MORC3: variants seen among roughly 807,000 people sequenced by gnomAD.
MORC3 encodes the protein MORC family CW-type zinc finger 3.
Under a neutral mutation model 109.1 loss-of-function variants are expected in MORC3, and 31 were observed. The ratio of observed to expected loss-of-function variants is 0.28; its 90% CI spans 0.21 to 0.38. The LOEUF is 0.38. Ranked by LOEUF, MORC3 falls within the 10% of genes least tolerant of loss-of-function variation. The probability of loss-of-function intolerance (pLI) is 1.00; values close to 1 mark genes in which losing one functional copy is unlikely to be tolerated. For missense variants in MORC3, 867 were observed against 1,135.8 expected, an observed-to-expected ratio of 0.76 and a Z score of 3.40; for synonymous variants, 395 against 380.7, an observed-to-expected ratio of 1.04 and a Z score of -0.44.
chr21:36,336,194 G>T (rs1210017047), intron 2 of MORC3, among the ~76,000 whole-genome samples: 3 of 150,932 alleles, frequency 2.0e-5, no homozygotes, highest in African/African-American at 7.3e-5. Flanking sequence ...GCCTCCCAGA[G>T]TGCTGGGATT....
In MORC3 at chr21:36,375,813, G is replaced by C. The variant is rs2085923750; in HGVS notation, c.*517G>C. The C allele has an allele frequency of 6.6e-6, 1 of 152,530 alleles. No individual in the cohort carries two copies. The highest frequency in any genetic ancestry group is 1.5e-5 in the Non-Finnish European group (1 of 68,034). 9.4% of individuals were successfully genotyped at this position (152,530 alleles called of 1,614,324 possible). On this transcript the variant is annotated 3_prime_UTR_variant, in exon 17 of 17. Transcript: ENST00000400485. ...TGAATTGAGCATTAATGTTTCTTTTGTATAAATTCCTGTCCTGAAATATTT... is the reference window on the plus strand; with the variant it reads ...TGAATTGAGCATTAATGTTTCTTTTCTATAAATTCCTGTCCTGAAATATTT...
intron 6 of MORC3, among the ~76,000 whole-genome samples, chr21:36,343,960 G>GA (rs2085480629): frequency 1.3e-5 from 2 of 151,962 alleles, no homozygotes; most frequent in African/African-American, 4.8e-5. Flanking sequence ...TCCTAGTGTT[G>GA]AAAAAGTCTT....
In MORC3 at chr21:36,365,071, C is replaced by A. The variant is rs375868802; in HGVS notation, c.1619+812C>A. 3.1e-3 allele frequency among the ~76,000 whole-genome samples: 274 copies of A among 88,140 alleles called. 2 individuals carry two copies. Among genetic ancestry groups the A allele is most frequent in the African/African-American group, 6.1e-3 (143 of 23,338 alleles). The allele number at this position is 88,140 out of a possible 152,430, so 57.8% of individuals were successfully genotyped here. ...CATCTCAAAAAAAAAAAAAAAAAAA[C>A]ATGAAGCAATTAACAGTACGACACT... On this transcript the variant is annotated intron_variant, in intron 14 of 16. Coordinates refer to ENST00000400485, the MANE Select transcript of MORC3 (RefSeq NM_015358.3).
rs562320887 is a variant in MORC3, at chr21:36,344,565, A to G, written c.757-14A>G. The G allele has an allele frequency of 6.2e-7, 1 of 1,610,560 alleles. No individual in the cohort carries two copies. The highest frequency in any genetic ancestry group is 8.5e-7 in the Non-Finnish European group (1 of 1,178,358). The stretch of plus-strand genomic sequence containing the variant: ...AACCTGTAGATACTAACTTCTTGTT[A>G]TGTTATTTTCCAGGCTTATTGCAGT... On this transcript the variant is annotated splice_polypyrimidine_tract_variant and intron_variant, in intron 6 of 16. Transcript: ENST00000400485.
At chr21:36,320,362 AG>A in intron 1 of MORC3, 59 bp downstream of exon 1, 2 of 686,586 alleles carry the variant, frequency 2.9e-6, no homozygotes, top group South Asian at 2.3e-5. Flanking sequence ...GGGCAAGCGA[AG>A]GGGGGCCGGC....
intron 2 of MORC3, among the ~76,000 whole-genome samples, 169 bp downstream of exon 2, chr21:36,333,887 A>G (rs1225015148): frequency 6.6e-6 from 1 of 150,388 alleles, no homozygotes; most frequent in Non-Finnish European, 1.5e-5. Flanking sequence ...GGTACACGCT[A>G]TTCTCCTGCC....
intron 8 of MORC3, among the ~76,000 whole-genome samples, chr21:36,348,467 G>T (rs140508172): frequency 2.6e-5 from 4 of 152,186 alleles, no homozygotes; most frequent in African/African-American, 9.6e-5. Flanking sequence ...GAGTGCAATG[G>T]CACGATCTCA....
chr21:36,369,524 T>C lies in MORC3; in HGVS notation c.2156T>C (p.Met719Thr). Residue 719 changes from methionine (M) to threonine (T), a missense_variant, in exon 15 of 17, where the codon ATG (methionine) becomes ACG (threonine). Coordinates refer to ENST00000400485, the MANE Select transcript of MORC3 (RefSeq NM_015358.3). ...GAGAATTATAAAAGACAGTGTCATA[T>C]GTTTACTGATCAAATCAAAGTGTTA... Reference protein sequence around the residue: ...EKENYKRQCHMFTDQIKVLQQ... With the variant: ...EKENYKRQCHTFTDQIKVLQQ... The C allele has an allele frequency of 6.2e-7, 1 of 1,614,224 alleles. No homozygotes were observed. Among genetic ancestry groups the C allele is most frequent in the South Asian group, 1.1e-5 (1 of 91,084 alleles).
chr21:36,339,024 A>G, intron 5 of MORC3, 103 bp downstream of exon 5: 8 of 1,317,400 alleles, frequency 6.1e-6, no homozygotes, highest in Non-Finnish European at 8.4e-6. Context: ...ATACATGGAA[A>G]GGTACTCATT....
intron 9 of MORC3, among the ~76,000 whole-genome samples, chr21:36,354,788 G>A (rs1335883587): frequency 1.3e-5 from 2 of 152,162 alleles, no homozygotes; most frequent in Non-Finnish European, 2.9e-5. Flanking sequence ...TGCTTCTTCT[G>A]TCTTCTTCCT....
rs1302190410 is a variant in MORC3 at position 36,344,968 on chromosome 21, G to A, written c.942G>A (p.Gly314=). 1 of 1,606,436 alleles carries A rather than the reference G, an allele frequency of 6.2e-7. No individual in the cohort carries two copies. The highest frequency in any genetic ancestry group is 2.2e-5 in the East Asian group (1 of 44,806). Reference sequence around the variant, plus strand: ...ACTGCAGAAATAAAGATCATTATGGGATAATGATGTATCACAGAAATAGAC... The same window carrying A: ...ACTGCAGAAATAAAGATCATTATGGAATAATGATGTATCACAGAAATAGAC... ...GFNCRNKDHY[G]IMMYHRNRLI... Residue 314 remains glycine, a synonymous_variant, in exon 8 of 17, where the codon GGG becomes GGA. Coordinates refer to ENST00000400485, the MANE Select transcript of MORC3 (RefSeq NM_015358.3).
chr21:36,361,847 A>G, intron 12 of MORC3: 1 of 256,204 alleles, frequency 3.9e-6, no homozygotes, highest in South Asian at 5.2e-5. Flanking sequence ...AGATTACATC[A>G]CTGCACTCCA....
intron 1 of MORC3, among the ~76,000 whole-genome samples, chr21:36,323,879 G>GTT (rs533635032): frequency 1.4e-5 from 2 of 143,948 alleles, no homozygotes. Context: ...TTACCATAGT[G>GTT]TTTTTTTTTT....
At chr21:36,355,142 A>G (rs779171434) in intron 9 of MORC3, among the ~76,000 whole-genome samples, 6 of 152,270 alleles carry the variant, frequency 3.9e-5, no homozygotes, top group African/African-American at 1.2e-4. Flanking sequence ...AGCGTTAACA[A>G]TCTTTTCCGT....
chr21:36,336,136 G>T (rs941877717), intron 2 of MORC3, among the ~76,000 whole-genome samples: 1 of 150,084 alleles, frequency 6.7e-6, no homozygotes, highest in Admixed American at 6.7e-5. Context: ...TCACCCTGTC[G>T]GCCAGGCTGG....
rs537144325 is a variant in MORC3, at chr21:36,347,383, A to G, written c.1006-1928A>G. On this transcript the variant is annotated intron_variant, in intron 8 of 16. Coordinates refer to ENST00000400485, the MANE Select transcript of MORC3 (RefSeq NM_015358.3). Reference sequence around the variant, plus strand: ...TTTCTTTTTATCACCTATGAATCTGACTTAACCAAGATATATAGCCCATTT... The same window carrying G: ...TTTCTTTTTATCACCTATGAATCTGGCTTAACCAAGATATATAGCCCATTT... 1.1e-4 allele frequency among the ~76,000 whole-genome samples: 16 copies of G among 152,320 alleles called. No homozygotes were observed. In the South Asian group the frequency reaches 2.1e-3, roughly 20 times the overall value.
intron 4 of MORC3, among the ~76,000 whole-genome samples, 166 bp downstream of exon 4, chr21:36,338,112 C>A (rs1601517489): frequency 6.6e-6 from 1 of 152,112 alleles, no homozygotes; most frequent in African/African-American, 2.4e-5. Context: ...AGGGTTTGTC[C>A]CTTTCTCTTC....
At chr21:36,325,089 C>T (rs754360430) in intron 1 of MORC3, among the ~76,000 whole-genome samples, 5 of 152,164 alleles carry the variant, frequency 3.3e-5, no homozygotes, top group Non-Finnish European at 5.9e-5. Flanking sequence ...CTTTGGTGGG[C>T]TTCACTGTTG....
intron 1 of MORC3, 190 bp downstream of exon 1, chr21:36,320,493 C>G (rs1216548833): frequency 2.8e-5 from 13 of 460,038 alleles, no homozygotes; most frequent in Non-Finnish European, 6.8e-6. Context: ...GGGCTGCGTT[C>G]CGTCGCCTCT....
Sources: allele counts gnomAD v4.1 joint callset (sites outside exome capture counted in the v4.1 genomes callset), GRCh38; gene constraint gnomAD v4.1.1; transcripts MANE v1.5; gene names NCBI Gene and HGNC (gene_info 2026-07-23, HGNC 2026-07-21).